Variants in SNTB2 observed in about 807,000 individuals in gnomAD.
SNTB2 encodes syntrophin beta 2, also known as beta-2-syntrophin.
A neutral mutation model predicts 46.2 loss-of-function variants in SNTB2; 34 were observed. The observed-to-expected ratio is 0.74, with a 90% CI of 0.56 to 0.98. The LOEUF is 0.98. Among genes scored for constraint, SNTB2 ranks in the 50% least tolerant of loss-of-function variants. SNTB2 has a pLI of 0.00. For missense variants in SNTB2, 603 were observed against 731.4 expected (o/e 0.82, Z 2.02); for synonymous variants, 290 against 312.6 (o/e 0.93, Z 0.76).
intron 5 of SNTB2, among the ~76,000 whole-genome samples, chr16:69,288,616 G>A (rs532287237): frequency 3.3e-5 from 5 of 152,078 alleles, no homozygotes; most frequent in African/African-American, 4.8e-5. Context: ...TAGCCATTAC[G>A]GAAAACAGTA....
rs1351511539 is a variant in SNTB2, at chr16:69,308,644, T to C, written c.*7720T>C. On this transcript the variant is annotated 3_prime_UTR_variant, in exon 7 of 7. Coordinates refer to ENST00000336278, the MANE Select transcript of SNTB2 (RefSeq NM_006750.4). The stretch of plus-strand genomic sequence containing the variant: ...TGATGATACCTGCTTATGTGGATTC[T>C]TTTCCACACTGCTTTCATTTTTAAG... 6.6e-6 allele frequency: 1 copy of C among 152,246 alleles called. No homozygotes were observed. The highest frequency in any genetic ancestry group is 2.1e-4 in the South Asian group (1 of 4,834). The allele number at this position is 152,246 out of a possible 1,614,324, so 9.4% of individuals were successfully genotyped here.
At chr16:69,218,517 G>T (rs576376627) in intron 1 of SNTB2, among the ~76,000 whole-genome samples, 1 of 151,718 alleles carries the variant, frequency 6.6e-6, no homozygotes, top group African/African-American at 2.4e-5. Context: ...TGCCTCCCAG[G>T]TTCACGCCAT....
At chr16:69,272,622 T>C (rs922158693) in intron 4 of SNTB2, among the ~76,000 whole-genome samples, 2 of 150,886 alleles carry the variant, frequency 1.3e-5, no homozygotes, top group African/African-American at 4.9e-5. Flanking sequence ...CTGGGCGCAG[T>C]GGCTCACGCC....
intron 1 of SNTB2, among the ~76,000 whole-genome samples, chr16:69,239,431 A>G (rs889831763): frequency 3.3e-5 from 5 of 152,232 alleles, no homozygotes; most frequent in East Asian, 1.9e-4. Context: ...TGTCACCACA[A>G]TCAGGATACA....
intron 4 of SNTB2, among the ~76,000 whole-genome samples, chr16:69,278,387 T>C (rs1225926503): frequency 1.3e-5 from 2 of 151,874 alleles, no homozygotes; most frequent in Non-Finnish European, 2.9e-5. Context: ...TACTGAATAG[T>C]TTCATGACCT....
rs529291196 is a variant in SNTB2, at chr16:69,249,653, C to A, written c.794+3838C>A. ...AAATGGAGAGGGCAGTTTGGGGCTA[C>A]AAGAATTGTACCATTATACCTTCCT... On this transcript the variant is annotated intron_variant, in intron 2 of 6. Coordinates refer to ENST00000336278, the MANE Select transcript of SNTB2 (RefSeq NM_006750.4). Among the ~76,000 whole-genome samples the A allele has an allele frequency of 3.9e-5, 6 of 152,262 alleles. No individual in the cohort carries two copies. In the South Asian group the frequency reaches 1.2e-3, roughly 32 times the overall value.
intron 3 of SNTB2, among the ~76,000 whole-genome samples, chr16:69,268,880 A>C (rs1330435722): frequency 6.6e-6 from 1 of 150,714 alleles, no homozygotes; most frequent in Non-Finnish European, 1.5e-5. Context: ...AAAAATAATA[A>C]CACTGTGGGT....
At chr16:69,299,833 C>G in intron 6 of SNTB2, 59 bp downstream of exon 6, 1 of 1,491,954 alleles carries the variant, frequency 6.7e-7, no homozygotes, top group Non-Finnish European at 9.2e-7. Flanking sequence ...CTTCTCATTA[C>G]TTCTTACCCC....
At chr16:69,263,108 C>CTT (rs35884506) in intron 3 of SNTB2, among the ~76,000 whole-genome samples, 14 of 141,922 alleles carry the variant, frequency 9.9e-5, no homozygotes, top group South Asian at 2.2e-4. Flanking sequence ...TTCCACTCTA[C>CTT]TTTTTTTTTT....
At chr16:69,245,575 C>T (rs1453540232) in intron 1 of SNTB2, 27 bp from the exon 2 acceptor site, 3 of 1,605,566 alleles carry the variant, frequency 1.9e-6, no homozygotes, top group Middle Eastern at 1.7e-4. Context: ...AATTACTAAC[C>T]TTCTTCTTTG....
At chr16:69,268,337 G>T (rs1414009289) in intron 3 of SNTB2, among the ~76,000 whole-genome samples, 4 of 152,054 alleles carry the variant, frequency 2.6e-5, no homozygotes, top group Non-Finnish European at 5.9e-5. Context: ...GGTGGTGGGT[G>T]CCTGTAATCT....
intron 1 of SNTB2, among the ~76,000 whole-genome samples, chr16:69,225,467 G>A (rs186383096): frequency 1.5e-4 from 23 of 152,300 alleles, no homozygotes; most frequent in African/African-American, 3.8e-4. Flanking sequence ...TCGTTGTCTC[G>A]TGGAAGTTTT....
At chr16:69,199,128 C>A (rs558682429) in intron 1 of SNTB2, among the ~76,000 whole-genome samples, 1 of 152,032 alleles carries the variant, frequency 6.6e-6, no homozygotes, top group Admixed American at 6.6e-5. Context: ...CTCCTGACTT[C>A]AGGTGATTCA....
intron 4 of SNTB2, among the ~76,000 whole-genome samples, chr16:69,279,648 C>T (rs1965019408): frequency 6.7e-6 from 1 of 149,956 alleles, no homozygotes; most frequent in South Asian, 2.1e-4. Flanking sequence ...GCCTCAGCCT[C>T]CCGAGCAGCT....
rs750093430 is a variant in SNTB2, at chr16:69,303,279, C to T, written c.*2355C>T. 1.3e-5 allele frequency: 2 copies of T among 152,184 alleles called. No homozygotes were observed. Among genetic ancestry groups the T allele is most frequent in the Non-Finnish European group, 2.9e-5 (2 of 68,032 alleles). The allele number at this position is 152,184 out of a possible 1,614,324, so 9.4% of individuals were successfully genotyped here. ...CCTCAGGTAGGCAATCTTGAACCCT[C>T]TATGCAGTGAGAGCATTATTAATAT... On this transcript the variant is annotated 3_prime_UTR_variant, in exon 7 of 7. Transcript: ENST00000336278.
intron 1 of SNTB2, among the ~76,000 whole-genome samples, chr16:69,204,056 C>T (rs1964191303): frequency 6.6e-6 from 1 of 152,160 alleles, no homozygotes; most frequent in Non-Finnish European, 1.5e-5. Flanking sequence ...CCACGCCTGG[C>T]TAATTTTTGT....
chr16:69,233,134 T>C (rs1964523782), intron 1 of SNTB2, among the ~76,000 whole-genome samples: 1 of 152,164 alleles, frequency 6.6e-6, no homozygotes, highest in Non-Finnish European at 1.5e-5. Context: ...CATGCTTGGT[T>C]TTCTTGTTGA....
At chr16:69,279,884 G>T (rs969433327) in intron 4 of SNTB2, among the ~76,000 whole-genome samples, 98 of 148,952 alleles carry the variant, frequency 6.6e-4, no homozygotes, top group African/African-American at 2.2e-3. Context: ...TTTATTTATT[G>T]ATCATTCTTG....
chr16:69,219,512 A>G (rs564219726), intron 1 of SNTB2, among the ~76,000 whole-genome samples: 1 of 152,360 alleles, frequency 6.6e-6, no homozygotes, highest in East Asian at 1.9e-4. Flanking sequence ...ACATATGATT[A>G]GAATACAAGC....
Sources: gnomAD v4.1 joint callset for allele counts (sites outside exome capture counted in the v4.1 genomes callset) on GRCh38, gnomAD v4.1.1 for gene constraint, MANE v1.5 for transcripts, NCBI Gene and HGNC (gene_info 2026-07-23, HGNC 2026-07-21) for gene names.